IMPA2: variants seen among roughly 807,000 people sequenced by gnomAD.
IMPA2 encodes the protein IMP 2.
IMPA2 carries 32 observed loss-of-function variants against 35.1 expected under a neutral mutation model. The observed-to-expected ratio is 0.91, with a 90% confidence interval of 0.69 to 1.23. The LOEUF is 1.23. IMPA2 is among the 50% of genes most tolerant of loss of function. The pLI is 0.00. For synonymous variants in IMPA2, 135 were observed against 160.6 expected (o/e 0.84, Z 1.20); for missense variants, 334 against 387.6 (o/e 0.86, Z 1.16).
At chr18:12,022,421 G>T (rs1262533549) in intron 5 of IMPA2, among the ~76,000 whole-genome samples, 1 of 151,162 alleles carries the variant, frequency 6.6e-6, no homozygotes, top group Non-Finnish European at 1.5e-5. Context: ...TATTCGGGAG[G>T]CTGAGGCAGG....
At chr18:12,023,899 A>G (rs1907803988) in intron 5 of IMPA2, among the ~76,000 whole-genome samples, 1 of 152,232 alleles carries the variant, frequency 6.6e-6, no homozygotes, top group Non-Finnish European at 1.5e-5. Context: ...GGGCGTATGT[A>G]TAATTGATTC....
intron 5 of IMPA2, among the ~76,000 whole-genome samples, chr18:12,024,581 T>G (rs1907826936): frequency 6.6e-6 from 1 of 152,206 alleles, no homozygotes; most frequent in Admixed American, 6.5e-5. Context: ...TCACTGCCAC[T>G]TCACTTTCTT....
chr18:12,022,111 T>C lies in IMPA2; in HGVS notation c.491-5932T>C, dbSNP rs532319512. Among the ~76,000 whole-genome samples the C allele has an allele frequency of 8.5e-5, 13 of 152,324 alleles. No homozygotes were observed. The South Asian group carries it at 1.7e-3, about 19-fold the overall frequency. ...TCAATGACATTAATTATAGTCACAA[T>C]GTTGTACAATCATCAGCACTATATA... On this transcript the variant is annotated intron_variant, in intron 5 of 7. Coordinates refer to ENST00000269159, the MANE Select transcript of IMPA2 (RefSeq NM_014214.3).
At chr18:12,005,488 G>GA (rs5823191) in intron 2 of IMPA2, among the ~76,000 whole-genome samples, 100 of 140,606 alleles carry the variant, frequency 7.1e-4, no homozygotes, top group Middle Eastern at 3.6e-3. Flanking sequence ...ATGTCTCCAA[G>GA]AAAAAAAAAA....
chr18:11,998,213 C>A (rs1201503288), intron 1 of IMPA2, among the ~76,000 whole-genome samples: 2 of 152,158 alleles, frequency 1.3e-5, no homozygotes, highest in African/African-American at 2.4e-5. Flanking sequence ...AGAAGAAAGG[C>A]CTGGGCTGGA....
At chr18:11,995,939 A>G (rs551257455) in intron 1 of IMPA2, among the ~76,000 whole-genome samples, 1 of 152,188 alleles carries the variant, frequency 6.6e-6, no homozygotes, top group Admixed American at 6.5e-5. Flanking sequence ...TCCTGATGCT[A>G]GGGGTACAGA....
At chr18:12,025,170 T>C (rs1907846316) in intron 5 of IMPA2, among the ~76,000 whole-genome samples, 1 of 152,210 alleles carries the variant, frequency 6.6e-6, no homozygotes, top group Admixed American at 6.5e-5. Flanking sequence ...CACCCAGCAA[T>C]ATGCATTTAA....
rs1199615939 is a variant in IMPA2 at position 12,029,796 on chromosome 18, A to G, written c.752-547A>G. 4.6e-5 allele frequency among the ~76,000 whole-genome samples: 7 copies of G among 152,210 alleles called. 1 individual carries two copies. The highest frequency in any genetic ancestry group is 8.8e-5 in the Non-Finnish European group (6 of 68,038). On this transcript the variant is annotated intron_variant, in intron 7 of 7. Coordinates refer to ENST00000269159, the MANE Select transcript of IMPA2 (RefSeq NM_014214.3). ...CCTGAAGGCTCACGTATGTGCAAGC[A>G]GGTCTCCAGCCCATGCATCCAGAGC... is the stretch of plus-strand genomic sequence containing the variant.
chr18:12,018,837 A>T (rs1207966562), intron 5 of IMPA2, among the ~76,000 whole-genome samples: 1 of 151,910 alleles, frequency 6.6e-6, no homozygotes, highest in Non-Finnish European at 1.5e-5. Context: ...TATTATTATT[A>T]TTTTTTAGAG....
intron 1 of IMPA2, among the ~76,000 whole-genome samples, chr18:11,987,990 A>G (rs946697879): frequency 2.4e-4 from 33 of 135,940 alleles, no homozygotes; most frequent in African/African-American, 8.4e-4. Context: ...TTAAATGCAC[A>G]TGTTTATTGG....
Position 12,009,903 on chromosome 18 carries a change from C to T in IMPA2, c.251C>T (p.Ala84Val), listed in dbSNP as rs369866405. The T allele has an allele frequency of 2.0e-5, 32 of 1,614,014 alleles. No individual in the cohort carries two copies. Among genetic ancestry groups the T allele is most frequent in the African/African-American group, 2.7e-5 (2 of 74,922 alleles). Residue 84 changes from alanine to valine, a missense_variant, in exon 3 of 8, where the codon GCG (alanine) becomes GTG (valine). Ala to Val is a moderately conservative substitution (Grantham distance 64, BLOSUM62 0). Coordinates refer to ENST00000269159, the MANE Select transcript of IMPA2 (RefSeq NM_014214.3). The stretch of plus-strand genomic sequence containing the variant: ...TGCAGGTTCATTGCAGAAGAGGCCG[C>T]GGCTTCTGGGGCCAAGTGTGTGCTC... ...PSHRFIAEEA[A>V]ASGAKCVLTH... is the part of the protein sequence containing the mutation.
intron 1 of IMPA2, among the ~76,000 whole-genome samples, chr18:11,987,633 A>G (rs1294415567): frequency 1.3e-5 from 2 of 152,190 alleles, no homozygotes; most frequent in African/African-American, 2.4e-5. Flanking sequence ...GCCTGGCCTC[A>G]TTCAACTCTT....
intron 1 of IMPA2, among the ~76,000 whole-genome samples, chr18:11,996,078 GAC>G (rs1042274158): frequency 2.7e-4 from 41 of 152,312 alleles, no homozygotes; most frequent in African/African-American, 8.7e-4. Flanking sequence ...GCCTGGGAGA[GAC>G]AGTCAAAAAC....
Position 11,999,199 on chromosome 18 carries a change from C to A in IMPA2, c.230+12C>A. 6.2e-7 allele frequency: 1 copy of A among 1,610,978 alleles called. No homozygotes were observed. Among genetic ancestry groups the A allele is most frequent in the Non-Finnish European group, 8.5e-7 (1 of 1,178,430 alleles). On this transcript the variant is annotated intron_variant, in intron 2 of 7. Transcript: ENST00000269159. The stretch of plus-strand genomic sequence containing the variant: ...TTTCCTTCACACAGGTAGGTGTACT[C>A]CTCTGGGAAACACCCCCAGTAACCC...
At chr18:11,992,735 G>T (rs1452983937) in intron 1 of IMPA2, among the ~76,000 whole-genome samples, 1 of 152,158 alleles carries the variant, frequency 6.6e-6, no homozygotes, top group Non-Finnish European at 1.5e-5. Flanking sequence ...CTGGTGGAGT[G>T]AGAGTGTTTA....
In IMPA2 at chr18:12,030,388, C is replaced by A; in HGVS notation, c.797C>A (p.Thr266Asn). ...LMACRVVAAS[T>N]REMAMLIAQA... ...GCTTGCAGAGTGGTTGCGGCCAGCACCCGGGAGATGGCGATGCTCATAGCT... is the reference window on the plus strand; with the variant it reads ...GCTTGCAGAGTGGTTGCGGCCAGCAACCGGGAGATGGCGATGCTCATAGCT... Residue 266 changes from threonine (T) to asparagine (N), a missense_variant, in exon 8 of 8, where the codon ACC becomes AAC. Transcript: ENST00000269159. The A allele has an allele frequency of 6.2e-7, 1 of 1,614,218 alleles. No individual in the cohort carries two copies. The highest frequency in any genetic ancestry group is 8.5e-7 in the Non-Finnish European group (1 of 1,180,038).
At chr18:12,029,682 A>C (rs1907991882) in intron 7 of IMPA2, among the ~76,000 whole-genome samples, 1 of 152,072 alleles carries the variant, frequency 6.6e-6, no homozygotes, top group Admixed American at 6.5e-5. Context: ...CGGCCTCCCA[A>C]AGTGCTGGGA....
At chr18:12,026,932 G>A (rs1907895826) in intron 5 of IMPA2, among the ~76,000 whole-genome samples, 1 of 152,206 alleles carries the variant, frequency 6.6e-6, no homozygotes, top group African/African-American at 2.4e-5. Flanking sequence ...GGAGCCAGGT[G>A]TTTTGCAGAA....
chr18:12,012,076 TC>T, intron 3 of IMPA2, 93 bp from the exon 4 acceptor site: 2 of 1,107,610 alleles, frequency 1.8e-6, no homozygotes, highest in Non-Finnish European at 2.7e-6. Context: ...TGTAGGAAGG[TC>T]CTTCTGAGCC....
Sources: allele counts gnomAD v4.1 joint callset (sites outside exome capture counted in the v4.1 genomes callset), GRCh38; gene constraint gnomAD v4.1.1; transcripts MANE v1.5; gene names NCBI Gene and HGNC (gene_info 2026-07-23, HGNC 2026-07-21).